The following TASP1 variants were observed in gnomAD, a reference collection of about 807,000 sequenced individuals.
TASP1 encodes the protein taspase 1.
Under a neutral mutation model 56.6 loss-of-function variants are expected in TASP1, and 16 were observed. The observed-to-expected ratio is 0.28, with a 90% CI of 0.19 to 0.43. The LOEUF is 0.43. Ranked by LOEUF, TASP1 falls within the 20% of genes least tolerant of loss-of-function variation. The pLI is 1.00. For synonymous variants in TASP1, 179 were observed against 184.2 expected, an observed-to-expected ratio of 0.97 and a Z score of 0.23; for missense variants, 393 against 511.6, an observed-to-expected ratio of 0.77 and a Z score of 2.24.
At chr20:13,298,621 GT>G in the TASP1 span, among the ~76,000 whole-genome samples, 1 of 152,152 alleles carries the variant, frequency 6.6e-6, no homozygotes, top group African/African-American at 2.4e-5. Flanking sequence ...TGAAATATGG[GT>G]AGTCATTGTA....
chr20:13,131,065 G>A, the TASP1 span, among the ~76,000 whole-genome samples: 6 of 152,112 alleles, frequency 3.9e-5, no homozygotes, highest in South Asian at 2.1e-4. Context: ...CAGCTCAGTC[G>A]TTTTCTTATC....
intron 8 of TASP1, among the ~76,000 whole-genome samples, chr20:13,558,495 G>A (rs1014030552): frequency 1.3e-5 from 2 of 151,952 alleles, no homozygotes; most frequent in African/African-American, 4.8e-5. Context: ...ATGGAAAGCT[G>A]AATTTTTAAT....
At chr20:13,611,116 A>G (rs1449495063) in intron 4 of TASP1, among the ~76,000 whole-genome samples, 1 of 152,244 alleles carries the variant, frequency 6.6e-6, no homozygotes, top group African/African-American at 2.4e-5. Context: ...TCACAAAGAC[A>G]GCCATAAATA....
At chr20:13,461,511 G>A (rs1427216030) in intron 11 of TASP1, among the ~76,000 whole-genome samples, 1 of 152,126 alleles carries the variant, frequency 6.6e-6, no homozygotes, top group African/African-American at 2.4e-5. Flanking sequence ...GGCTCTCCAG[G>A]ATTATCTAGG....
intron 8 of TASP1, among the ~76,000 whole-genome samples, chr20:13,544,665 T>C (rs1161604325): frequency 6.6e-6 from 1 of 152,252 alleles, no homozygotes; most frequent in Non-Finnish European, 1.5e-5. Flanking sequence ...ATCTCCTTTA[T>C]AAATGCAGGC....
the TASP1 span, among the ~76,000 whole-genome samples, chr20:13,118,018 T>G: frequency 6.6e-6 from 1 of 152,092 alleles, no homozygotes; most frequent in Non-Finnish European, 1.5e-5. Context: ...CTCTGTTAAG[T>G]AGTATCTAGG....
chr20:13,596,040 T>C (rs963698871), intron 4 of TASP1, among the ~76,000 whole-genome samples: 2 of 152,094 alleles, frequency 1.3e-5, no homozygotes, highest in Admixed American at 6.5e-5. Context: ...CAGACCACAG[T>C]GCAATCAAAT....
the TASP1 span, among the ~76,000 whole-genome samples, chr20:13,320,448 G>A: frequency 6.6e-6 from 1 of 152,128 alleles, no homozygotes; most frequent in Admixed American, 6.5e-5. Flanking sequence ...CAAGAGAACC[G>A]AACTCTGGTT....
chr20:13,570,484 T>C (rs1409800006), intron 6 of TASP1, among the ~76,000 whole-genome samples: 1 of 152,132 alleles, frequency 6.6e-6, no homozygotes, highest in Non-Finnish European at 1.5e-5. Context: ...TATTGAAGTC[T>C]TAAGATTTGA....
At chr20:13,456,072 T>G (rs1162030518) in intron 11 of TASP1, among the ~76,000 whole-genome samples, 1 of 152,098 alleles carries the variant, frequency 6.6e-6, no homozygotes, top group African/African-American at 2.4e-5. Flanking sequence ...AGATGAAACA[T>G]GGCTTTACTA....
intron 13 of TASP1, among the ~76,000 whole-genome samples, chr20:13,391,657 C>CAG (rs1290509739): frequency 1.3e-5 from 2 of 152,062 alleles, no homozygotes; most frequent in African/African-American, 4.8e-5. Context: ...AGCTTATCTC[C>CAG]AGAGTTCTTT....
the TASP1 span, among the ~76,000 whole-genome samples, chr20:13,204,850 T>G: frequency 6.6e-6 from 1 of 152,154 alleles, no homozygotes; most frequent in Admixed American, 6.5e-5. Context: ...ACCAGCCCCT[T>G]CTGACTGGAA....
chr20:13,447,215 T>C (rs545545419), intron 11 of TASP1, among the ~76,000 whole-genome samples: 10 of 152,320 alleles, frequency 6.6e-5, no homozygotes, highest in African/African-American at 2.2e-4. Flanking sequence ...TAGCAAACTT[T>C]TTGATTATTA....
the TASP1 span, among the ~76,000 whole-genome samples, chr20:13,137,543 A>G: frequency 2.0e-5 from 3 of 152,184 alleles, no homozygotes; most frequent in African/African-American, 7.2e-5. Flanking sequence ...TTCTAAAATT[A>G]AAACTGAGTG....
At chr20:13,193,441 C>T in the TASP1 span, among the ~76,000 whole-genome samples, 1 of 152,098 alleles carries the variant, frequency 6.6e-6, no homozygotes, top group South Asian at 2.1e-4. Flanking sequence ...AAAAAAAGGA[C>T]TAAGTCACTG....
At chr20:13,440,885 T>C (rs1040970038) in intron 11 of TASP1, among the ~76,000 whole-genome samples, 3 of 152,142 alleles carry the variant, frequency 2.0e-5, no homozygotes, top group South Asian at 4.1e-4. Context: ...GCTTCATTTG[T>C]AGCAATGCCT....
the TASP1 span, among the ~76,000 whole-genome samples, chr20:13,155,718 C>T: frequency 1.3e-5 from 2 of 151,852 alleles, no homozygotes; most frequent in East Asian, 1.9e-4. Flanking sequence ...CCCAGCTACT[C>T]GGGAGGCTGA....
the TASP1 span, among the ~76,000 whole-genome samples, chr20:13,353,922 C>A: frequency 2.0e-5 from 3 of 151,836 alleles, no homozygotes; most frequent in South Asian, 2.1e-4. Flanking sequence ...AAAAGTAATA[C>A]GAAAGACACA....
At chr20:13,403,955 A>G (rs1296642255) in intron 13 of TASP1, among the ~76,000 whole-genome samples, 1 of 152,176 alleles carries the variant, frequency 6.6e-6, no homozygotes, top group Non-Finnish European at 1.5e-5. Flanking sequence ...CAGAGGTATG[A>G]TTTTACACAC....
Sources: allele counts gnomAD v4.1 joint callset (sites outside exome capture counted in the v4.1 genomes callset), GRCh38; gene constraint gnomAD v4.1.1; transcripts MANE v1.5; gene names NCBI Gene and HGNC (gene_info 2026-07-23, HGNC 2026-07-21).